Variants in NEBL observed in about 807,000 individuals in gnomAD.
NEBL encodes the protein nebulette.
A neutral mutation model predicts 140.2 loss-of-function variants in NEBL; 122 were observed. The observed-to-expected ratio is 0.87, with a 90% CI of 0.75 to 1.01. The LOEUF (loss-of-function observed/expected upper bound fraction) is 1.01, where lower values mean the gene tolerates loss of function less well. Among genes scored for constraint, NEBL ranks in the 50% least tolerant of loss-of-function variants. NEBL has a pLI of 0.00. For synonymous variants in NEBL, 436 were observed against 398.9 expected (o/e 1.09, Z -1.11); for missense variants, 1,365 against 1,231.3 (o/e 1.11, Z -1.62).
At chr10:20,865,033 C>T (rs1844129351) in intron 7 of NEBL, among the ~76,000 whole-genome samples, 1 of 152,002 alleles carries the variant, frequency 6.6e-6, no homozygotes, top group African/African-American at 2.4e-5. Flanking sequence ...CTTTCAAGTC[C>T]AAGTAAGGAT....
At chr10:21,065,954 C>T (rs759211672) in intron 2 of NEBL, among the ~76,000 whole-genome samples, 2 of 152,240 alleles carry the variant, frequency 1.3e-5, no homozygotes, top group African/African-American at 2.4e-5. Flanking sequence ...CTGCACACCT[C>T]TCTTCAACCT....
intron 12 of NEBL, among the ~76,000 whole-genome samples, chr10:20,844,787 C>T (rs771667718): frequency 5.3e-5 from 8 of 152,122 alleles, no homozygotes; most frequent in Non-Finnish European, 1.2e-4. Context: ...TTTCTGATAT[C>T]AAATGTCAAG....
chr10:21,234,374 G>A (rs1410871654), intron 3 of NEBL, among the ~76,000 whole-genome samples: 3 of 151,916 alleles, frequency 2.0e-5, no homozygotes, highest in Admixed American at 6.6e-5. Flanking sequence ...AGAGCCTGGC[G>A]CCACCACCTT....
At chr10:21,182,560 G>C (rs1020563215) in intron 3 of NEBL, among the ~76,000 whole-genome samples, 9 of 152,118 alleles carry the variant, frequency 5.9e-5, no homozygotes, top group Non-Finnish European at 1.3e-4. Context: ...CCATTTCCAA[G>C]AAGTAAAAGT....
intron 4 of NEBL, among the ~76,000 whole-genome samples, chr10:20,952,680 G>A (rs1835541335): frequency 6.6e-6 from 1 of 151,600 alleles, no homozygotes; most frequent in South Asian, 2.1e-4. Flanking sequence ...CGAGGTGGGC[G>A]GATCACTTGA....
At chr10:21,274,323 T>C (rs544726155) in intron 1 of NEBL, among the ~76,000 whole-genome samples, 26 of 152,374 alleles carry the variant, frequency 1.7e-4, no homozygotes, top group Non-Finnish European at 3.4e-4. Flanking sequence ...GCTTAACTAC[T>C]AATGTCCTGC....
chr10:20,987,729 A>T (rs888416848), intron 3 of NEBL, among the ~76,000 whole-genome samples: 3 of 152,174 alleles, frequency 2.0e-5, no homozygotes, highest in Non-Finnish European at 4.4e-5. Context: ...CTGCATGGTG[A>T]GGAAGAACTG....
chr10:20,903,433 A>C (rs7907567), intron 4 of NEBL, among the ~76,000 whole-genome samples: 27,187 of 152,156 alleles, frequency 0.18, 3,680 homozygotes, highest in African/African-American at 0.37. Context: ...TAAATGAGTA[A>C]AACCTCTACG....
intron 3 of NEBL, among the ~76,000 whole-genome samples, chr10:21,185,123 A>G (rs1270413282): frequency 6.6e-6 from 1 of 152,200 alleles, no homozygotes; most frequent in Non-Finnish European, 1.5e-5. Flanking sequence ...GCTCCATTAG[A>G]GAAAAAAGGA....
intron 2 of NEBL, among the ~76,000 whole-genome samples, chr10:21,167,232 T>C (rs1277220002): frequency 6.6e-6 from 1 of 152,224 alleles, no homozygotes; most frequent in Non-Finnish European, 1.5e-5. Flanking sequence ...TTTTATTTTT[T>C]AAAGTCTTCG....
intron 2 of NEBL, among the ~76,000 whole-genome samples, chr10:20,890,940 A>C (rs181853036): frequency 2.6e-5 from 4 of 152,226 alleles, no homozygotes; most frequent in African/African-American, 7.2e-5. Context: ...TCCTCCCAAG[A>C]CCATAAATAC....
At chr10:21,215,840 AT>A (rs977919161) in intron 3 of NEBL, among the ~76,000 whole-genome samples, 20 of 151,792 alleles carry the variant, frequency 1.3e-4, no homozygotes, top group Non-Finnish European at 2.1e-4. Flanking sequence ...TTTGTTTTTG[AT>A]TTGGTTATTT....
intron 2 of NEBL, among the ~76,000 whole-genome samples, chr10:21,047,481 A>G (rs1482582937): frequency 4.6e-5 from 7 of 152,302 alleles, no homozygotes; most frequent in Non-Finnish European, 7.4e-5. Context: ...TTTCTCCTAA[A>G]CACATTTAAT....
chr10:21,033,614 C>T (rs1218192981), intron 2 of NEBL, among the ~76,000 whole-genome samples: 1 of 152,030 alleles, frequency 6.6e-6, no homozygotes, highest in African/African-American at 2.4e-5. Context: ...GCGGTGTGCA[C>T]CTGTAGTCCC....
intron 11 of NEBL, among the ~76,000 whole-genome samples, chr10:20,845,958 G>A (rs1459137453): frequency 1.3e-5 from 2 of 152,114 alleles, no homozygotes; most frequent in African/African-American, 4.8e-5. Flanking sequence ...TGTGCTGTGA[G>A]GAGAATTTTA....
intron 2 of NEBL, among the ~76,000 whole-genome samples, chr10:21,142,511 A>G (rs1018337510): frequency 6.6e-6 from 1 of 152,212 alleles, no homozygotes; most frequent in Non-Finnish European, 1.5e-5. Context: ...AACAAGACAA[A>G]GAAGTTTTCC....
chr10:20,896,246 G>A (rs1847463395), intron 2 of NEBL, among the ~76,000 whole-genome samples: 1 of 151,848 alleles, frequency 6.6e-6, no homozygotes, highest in Non-Finnish European at 1.5e-5. Context: ...CATCCCTGGT[G>A]AGCAACATTT....
At chr10:21,141,046 C>A (rs1391138073) in intron 2 of NEBL, among the ~76,000 whole-genome samples, 2 of 116,568 alleles carry the variant, frequency 1.7e-5, no homozygotes, top group Admixed American at 8.6e-5. Flanking sequence ...AAATATAAAA[C>A]AAGAGGTATT....
rs140549583 is a variant in NEBL at position 21,104,680 on chromosome 10, A to G, written c.164+67703T>C. On this transcript the variant is annotated intron_variant, in intron 2 of 6. Transcript: ENST00000417816. ...AATCATGTGGTCTGTGAATGAAGGTAGTTGTATCCTTCTTTTCTAATCTGT... is the reference window on the plus strand; with the variant it reads ...AATCATGTGGTCTGTGAATGAAGGTGGTTGTATCCTTCTTTTCTAATCTGT... Among the ~76,000 whole-genome samples the G allele has an allele frequency of 5.6e-3, 853 of 152,196 alleles. 4 individuals are homozygous for G. Among genetic ancestry groups the G allele is most frequent in the Non-Finnish European group, 8.2e-3 (557 of 68,024 alleles).
Sources: allele counts gnomAD v4.1 joint callset (sites outside exome capture counted in the v4.1 genomes callset), GRCh38; gene constraint gnomAD v4.1.1; transcripts MANE v1.5; gene names NCBI Gene and HGNC (gene_info 2026-07-23, HGNC 2026-07-21).